The following SNTG1 variants were observed in gnomAD, a reference collection of about 807,000 sequenced individuals.
SNTG1 encodes the protein gamma-1-syntrophin.
SNTG1 carries 39 observed loss-of-function variants against 74.7 expected under a neutral mutation model. That is an observed-to-expected ratio of 0.52 (90% CI 0.40 to 0.68). The LOEUF is 0.68. Among genes scored for constraint, SNTG1 ranks in the 30% least tolerant of loss-of-function variants. SNTG1 has a pLI of 0.00. For missense variants in SNTG1, 685 were observed against 609.5 expected, an observed-to-expected ratio of 1.12 and a Z score of -1.30; for synonymous variants, 254 against 217.1, an observed-to-expected ratio of 1.17 and a Z score of -1.49.
intron 12 of SNTG1, among the ~76,000 whole-genome samples, chr8:50,567,217 G>C (rs570000786): frequency 2.0e-5 from 3 of 152,152 alleles, no homozygotes; most frequent in African/African-American, 7.2e-5. Flanking sequence ...CTCTGTAAAA[G>C]AGACAGAGAG....
chr8:50,076,643 T>C (rs1357496570), intron 1 of SNTG1, among the ~76,000 whole-genome samples: 1 of 152,138 alleles, frequency 6.6e-6, no homozygotes, highest in Non-Finnish European at 1.5e-5. Context: ...CAGATCTTTC[T>C]CTTGGTTTTT....
chr8:50,470,442 G>T (rs927608703), intron 8 of SNTG1, among the ~76,000 whole-genome samples: 1 of 152,148 alleles, frequency 6.6e-6, no homozygotes, highest in African/African-American at 2.4e-5. Context: ...CAGATGTTCA[G>T]ATGTGTCTGG....
chr8:50,651,222 C>CTT (rs1266798319), intron 13 of SNTG1, among the ~76,000 whole-genome samples: 1 of 149,148 alleles, frequency 6.7e-6, no homozygotes, highest in South Asian at 2.1e-4. Flanking sequence ...CCAATACTTC[C>CTT]TTTTTTTTTG....
At chr8:50,469,846 G>A (rs1015521700) in intron 8 of SNTG1, among the ~76,000 whole-genome samples, 2 of 152,168 alleles carry the variant, frequency 1.3e-5, no homozygotes, top group African/African-American at 4.8e-5. Flanking sequence ...AGGCGTGGTG[G>A]CGTATGTCTA....
chr8:50,311,200 C>T (rs1468374022), intron 2 of SNTG1, among the ~76,000 whole-genome samples: 2 of 152,150 alleles, frequency 1.3e-5, no homozygotes, highest in African/African-American at 2.4e-5. Context: ...GTGTGTTCTC[C>T]ATCATCCCAT....
At chr8:49,950,690 G>A (rs1253603467) in intron 1 of SNTG1, among the ~76,000 whole-genome samples, 1 of 152,066 alleles carries the variant, frequency 6.6e-6, no homozygotes, top group Non-Finnish European at 1.5e-5. Context: ...AAAGTAATAT[G>A]TTGTGTATTT....
At chr8:50,600,082 CT>C (rs1449705647) in intron 13 of SNTG1, among the ~76,000 whole-genome samples, 2 of 152,056 alleles carry the variant, frequency 1.3e-5, no homozygotes, top group Non-Finnish European at 2.9e-5. Context: ...GTTCCTCATT[CT>C]GTTGACATGA....
At chr8:49,919,102 G>C (rs1448097211) in intron 1 of SNTG1, among the ~76,000 whole-genome samples, 1 of 151,902 alleles carries the variant, frequency 6.6e-6, no homozygotes, top group Non-Finnish European at 1.5e-5. Flanking sequence ...CTATGTTTCT[G>C]TTTCTGTCTG....
chr8:50,564,710 A>C (rs570245722), intron 12 of SNTG1, among the ~76,000 whole-genome samples: 3 of 152,222 alleles, frequency 2.0e-5, no homozygotes, highest in South Asian at 2.1e-4. Context: ...ATAGTCTATA[A>C]GTTTTTTTAA....
At chr8:50,120,542 A>C (rs903634376) in intron 1 of SNTG1, among the ~76,000 whole-genome samples, 2 of 135,652 alleles carry the variant, frequency 1.5e-5, no homozygotes, top group Non-Finnish European at 3.2e-5. Context: ...TACTGCTACC[A>C]TGATAACTAC....
intron 1 of SNTG1, among the ~76,000 whole-genome samples, chr8:50,123,172 C>A (rs1401742634): frequency 1.4e-5 from 2 of 142,906 alleles, no homozygotes; most frequent in Admixed American, 1.4e-4. Flanking sequence ...CCTGATTTGT[C>A]AGTTTTTATT....
chr8:50,446,122 C>T (rs1360901443), intron 5 of SNTG1, among the ~76,000 whole-genome samples: 3 of 152,202 alleles, frequency 2.0e-5, no homozygotes. Flanking sequence ...GTCATGGAAG[C>T]CTATCACCTG....
intron 8 of SNTG1, among the ~76,000 whole-genome samples, chr8:50,467,364 T>C (rs953428236): frequency 6.6e-5 from 10 of 151,922 alleles, no homozygotes; most frequent in African/African-American, 2.4e-4. Flanking sequence ...CATTTTGTAT[T>C]ATCTATTTCT....
intron 13 of SNTG1, among the ~76,000 whole-genome samples, chr8:50,618,176 T>C (rs1325166065): frequency 6.6e-6 from 1 of 152,198 alleles, no homozygotes; most frequent in African/African-American, 2.4e-5. Context: ...AACTGGAATA[T>C]AGTCAAAAGA....
chr8:50,484,145 TTTCTTTCC>T lies in SNTG1; in HGVS notation c.364-18629_364-18622del, dbSNP rs1347222732. 7.4e-3 allele frequency among the ~76,000 whole-genome samples: 452 copies of T among 61,100 alleles called. 2 individuals are homozygous for T. The highest frequency in any genetic ancestry group is 0.018 in the African/African-American group (404 of 22,452). 40.1% of individuals were successfully genotyped at this position (61,100 alleles called of 152,430 possible). ...CTTTCTTTCTTTCTTTCCTTCTTTC[TTTCTTTCC>T]TTCCTTCCTTCCTTCCTTCCTTCCT... On this transcript the variant is annotated intron_variant, in intron 8 of 18. Coordinates refer to ENST00000642720, the MANE Select transcript of SNTG1 (RefSeq NM_018967.5).
intron 16 of SNTG1, chr8:50,707,961 G>C: frequency 2.6e-6 from 1 of 382,018 alleles, no homozygotes. Context: ...CCAGCACTTT[G>C]GGAGGCCGAG....
intron 12 of SNTG1, among the ~76,000 whole-genome samples, chr8:50,578,928 T>C (rs2094592670): frequency 1.3e-5 from 2 of 152,152 alleles, no homozygotes; most frequent in East Asian, 1.9e-4. Flanking sequence ...GCTATAAGGA[T>C]ACCTGAAAAT....
chr8:50,205,750 T>C (rs1244726405), intron 2 of SNTG1, among the ~76,000 whole-genome samples: 1 of 152,242 alleles, frequency 6.6e-6, no homozygotes, highest in Non-Finnish European at 1.5e-5. Context: ...TTGTGTAAGA[T>C]GTAAGGAAGG....
chr8:50,637,586 C>A (rs1473473056), intron 13 of SNTG1, among the ~76,000 whole-genome samples: 1 of 152,034 alleles, frequency 6.6e-6, no homozygotes, highest in East Asian at 1.9e-4. Context: ...GTATTTAGTA[C>A]AATTTTTAGT....
Sources: allele counts gnomAD v4.1 joint callset (sites outside exome capture counted in the v4.1 genomes callset), GRCh38; gene constraint gnomAD v4.1.1; transcripts MANE v1.5; gene names NCBI Gene and HGNC (gene_info 2026-07-23, HGNC 2026-07-21).